Variants in AOPEP observed in about 807,000 individuals in gnomAD.
AOPEP encodes the protein aminopeptidase O.
Under a neutral mutation model 98.1 loss-of-function variants are expected in AOPEP, and 77 were observed. The observed-to-expected ratio is 0.78, with a 90% confidence interval of 0.65 to 0.95. AOPEP has a LOEUF of 0.95. AOPEP is among the 40% of genes least tolerant of loss of function. The probability of loss-of-function intolerance (pLI) is 0.00; values close to 1 mark genes in which losing one functional copy is unlikely to be tolerated. For synonymous variants in AOPEP, 346 were observed against 365.3 expected (o/e 0.95, Z 0.60); for missense variants, 1,024 against 1,024.7 (o/e 1.00, Z 0.01).
intron 10 of AOPEP, among the ~76,000 whole-genome samples, chr9:94,971,300 G>A (rs186314578): frequency 4.7e-4 from 72 of 152,136 alleles, no homozygotes; most frequent in Admixed American, 4.5e-3. Flanking sequence ...TGTCTAGCAG[G>A]CTTAAGCTTC....
intron 14 of AOPEP, among the ~76,000 whole-genome samples, chr9:95,063,171 G>C (rs1180061371): frequency 1.3e-5 from 2 of 152,184 alleles, no homozygotes; most frequent in Non-Finnish European, 2.9e-5. Flanking sequence ...TCTTTCTGCA[G>C]TTTTTGAGTA....
rs779855707 is a variant in AOPEP, at chr9:94,760,154, G to A, written c.371G>A (p.Gly124Glu). The A allele has an allele frequency of 1.3e-5, 21 of 1,614,196 alleles. No homozygotes were observed. The highest frequency in any genetic ancestry group is 1.6e-4 in the Middle Eastern group (1 of 6,062). Residue 124 changes from glycine to glutamate, a missense_variant, in exon 2 of 17, where the codon GGG becomes GAG. Gly to Glu is a moderately conservative substitution (Grantham distance 98). This residue lies in a region of AOPEP where 440 missense variants were observed against 433.8 expected (regional missense o/e 1.01). Coordinates refer to ENST00000375315, the MANE Select transcript of AOPEP (RefSeq NM_001193329.3). ...GNHDNQEHASGISSSKYCCDT... is the reference protein window; with the variant it reads ...GNHDNQEHASEISSSKYCCDT... ...CATGACAACCAGGAACATGCTTCTG[G>A]GATTTCTAGCTCAAAGTACTGCTGT...
At chr9:94,763,038 T>C (rs745314836) in intron 2 of AOPEP, 2 of 383,566 alleles carry the variant, frequency 5.2e-6, no homozygotes, top group Admixed American at 7.3e-5. Flanking sequence ...AGTTTCTACA[T>C]ATTTGTTCCT....
chr9:94,891,384 T>A (rs190794367), intron 5 of AOPEP, among the ~76,000 whole-genome samples: 16 of 152,356 alleles, frequency 1.1e-4, no homozygotes, highest in Admixed American at 9.1e-4. Context: ...AATTGGCATA[T>A]TTAGGCCATT....
At chr9:94,903,608 G>A (rs1344421072) in intron 5 of AOPEP, among the ~76,000 whole-genome samples, 1 of 140,528 alleles carries the variant, frequency 7.1e-6, no homozygotes, top group Non-Finnish European at 1.5e-5. Context: ...GGGCAATGTA[G>A]CAAGACTCCA....
At chr9:94,994,022 C>T (rs1228919388) in intron 11 of AOPEP, among the ~76,000 whole-genome samples, 1 of 152,168 alleles carries the variant, frequency 6.6e-6, no homozygotes, top group Non-Finnish European at 1.5e-5. Context: ...TCTCTGGTGT[C>T]TCCCTTCTTC....
intron 13 of AOPEP, among the ~76,000 whole-genome samples, chr9:95,055,772 A>G (rs1259787097): frequency 2.0e-5 from 3 of 152,110 alleles, no homozygotes; most frequent in Non-Finnish European, 2.9e-5. Flanking sequence ...ACTGGTTTCT[A>G]TTGTGCCCCT....
Position 94,760,011 on chromosome 9 carries a change from G to C in AOPEP, c.228G>C (p.Met76Ile). ...CAAACAAAGCCTGCAAATTTGGGAT[G>C]CCTGAACCCTGCCATATTCCCGTGA... ...SESNKACKFG[M>I]PEPCHIPVTN... Residue 76 changes from methionine to isoleucine, a missense_variant, in exon 2 of 17, where the codon ATG (methionine) becomes ATC (isoleucine). By Grantham distance (10) the Met-to-Ile change is conservative (BLOSUM62 1). Coordinates refer to ENST00000375315, the MANE Select transcript of AOPEP (RefSeq NM_001193329.3). 1 of 1,614,216 alleles carries C rather than the reference G, an allele frequency of 6.2e-7. No individual in the cohort carries two copies. Among genetic ancestry groups the C allele is most frequent in the African/African-American group, 1.3e-5 (1 of 75,056 alleles).
intron 10 of AOPEP, among the ~76,000 whole-genome samples, chr9:94,969,384 G>A (rs1001400699): frequency 8.0e-5 from 12 of 150,830 alleles, no homozygotes; most frequent in East Asian, 1.9e-4. Flanking sequence ...TGATTTAGGC[G>A]TTAAAAAGTG....
the AOPEP span, among the ~76,000 whole-genome samples, chr9:95,093,823 A>AC: frequency 6.6e-6 from 1 of 151,934 alleles, no homozygotes; most frequent in African/African-American, 2.4e-5. Context: ...AGGCAGTGAC[A>AC]CCCCACCTTC....
At chr9:95,105,166 C>G in the AOPEP span, among the ~76,000 whole-genome samples, 1 of 152,226 alleles carries the variant, frequency 6.6e-6, no homozygotes, top group South Asian at 2.1e-4. Flanking sequence ...GACACCAGCA[C>G]CTGGGAGGCA....
At chr9:95,135,484 G>A in the AOPEP span, 1,316 of 1,613,924 alleles carry the variant, frequency 8.2e-4, 1 homozygote, top group Non-Finnish European at 1.1e-3. Context: ...CAGCTGACAT[G>A]GGGAGAGAAA....
intron 9 of AOPEP, among the ~76,000 whole-genome samples, chr9:94,962,258 C>T (rs1242835564): frequency 6.6e-6 from 1 of 152,194 alleles, no homozygotes; most frequent in African/African-American, 2.4e-5. Flanking sequence ...GAGTCATCCT[C>T]AGTTGTTTAT....
chr9:94,993,165 T>G (rs1452082867), intron 11 of AOPEP, among the ~76,000 whole-genome samples: 1 of 152,214 alleles, frequency 6.6e-6, no homozygotes, highest in Non-Finnish European at 1.5e-5. Flanking sequence ...TTTGCTGGCC[T>G]TTTTAGTCTT....
At chr9:94,807,709 A>G (rs1220243226) in intron 5 of AOPEP, among the ~76,000 whole-genome samples, 3 of 152,260 alleles carry the variant, frequency 2.0e-5, no homozygotes, top group East Asian at 1.9e-4. Context: ...GATATTCCCA[A>G]TCTTGCAAGC....
chr9:95,146,717 A>G, the AOPEP span, among the ~76,000 whole-genome samples: 8 of 151,952 alleles, frequency 5.3e-5, no homozygotes, highest in African/African-American at 1.9e-4. Context: ...AGTGTTTTCA[A>G]ACACTGCAGA....
chr9:95,085,184 CAGACAGCA>C (rs780998991), intron 16 of AOPEP: 33 of 471,150 alleles, frequency 7.0e-5, no homozygotes, highest in South Asian at 4.7e-4. Context: ...CCAGTGTGTG[CAGACAGCA>C]CGGGGTGGCG....
intron 7 of AOPEP, among the ~76,000 whole-genome samples, chr9:94,935,723 T>G (rs908396170): frequency 6.6e-6 from 1 of 152,120 alleles, no homozygotes; most frequent in Non-Finnish European, 1.5e-5. Context: ...GGTGTGGGCA[T>G]GGCCGGCCAT....
chr9:95,019,093 TAGCAGCAAGTATACAGCAGCAAGTATAC>T (rs1187942447), intron 13 of AOPEP: 2 of 152,074 alleles, frequency 1.3e-5, no homozygotes, highest in Admixed American at 6.5e-5. Flanking sequence ...GCAGCAAGTA[TAGCAGCAAGTATACAGCAGCAAGTATAC>T]AGCAGCAAGT....
Sources: gnomAD v4.1 joint callset for allele counts (sites outside exome capture counted in the v4.1 genomes callset) on GRCh38, gnomAD v4.1.1 for gene constraint, gnomAD v4.1.1 regional missense constraint, MANE v1.5 for transcripts, NCBI Gene and HGNC (gene_info 2026-07-23, HGNC 2026-07-21) for gene names.